The following PHACTR2 variants were observed in gnomAD, a reference collection of about 807,000 sequenced individuals.
PHACTR2 encodes the protein phosphatase and actin regulator 2, also known as chromosome 6 open reading frame 56.
A neutral mutation model predicts 76.0 loss-of-function variants in PHACTR2; 30 were observed. The ratio of observed to expected loss-of-function variants is 0.39; its 90% CI spans 0.30 to 0.54. The LOEUF (loss-of-function observed/expected upper bound fraction) is 0.54. Ranked by LOEUF, PHACTR2 falls within the 20% of genes least tolerant of loss-of-function variation. The probability of loss-of-function intolerance (pLI) is 0.61; values close to 1 mark genes in which losing one functional copy is unlikely to be tolerated. For missense variants in PHACTR2, 696 were observed against 781.1 expected, an observed-to-expected ratio of 0.89 and a Z score of 1.30; for synonymous variants, 292 against 292.5, an observed-to-expected ratio of 1.00 and a Z score of 0.02.
At chr6:143,675,312 A>G (rs543947898), upstream of PHACTR2, among the ~76,000 whole-genome samples, 11 of 152,324 alleles carry the variant, frequency 7.2e-5, no homozygotes, top group African/African-American at 2.2e-4. This position sits in a 1 kb window ranked among gnomAD's most constrained non-coding sequence, Gnocchi z 4.9. Flanking sequence ...AATAGAAGCT[A>G]TTCCTCAAAC....
At chr6:143,636,709 T>C (rs1201569655) in intron 1 of PHACTR2, among the ~76,000 whole-genome samples, 1 of 152,240 alleles carries the variant, frequency 6.6e-6, no homozygotes, top group African/African-American at 2.4e-5. Flanking sequence ...ACAGGATAGA[T>C]TTTGCCATGA....
Position 143,803,702 on chromosome 6 carries a change from G to T in PHACTR2, c.1846-3355G>T, listed in dbSNP as rs2180031. The stretch of plus-strand genomic sequence containing the variant: ...ATGATGTTAACATCACACATAGAAA[G>T]GCTGTGTTTTCTAGGATTTGACATT... On this transcript the variant is annotated intron_variant, in intron 11 of 12. Transcript: ENST00000440869. The surrounding 1 kb of genome is among the most constrained non-coding windows in gnomAD (Gnocchi z 4.7). 0.58 allele frequency among the ~76,000 whole-genome samples: 88,439 copies of T among 152,020 alleles called. 26,232 individuals carry two copies. Among genetic ancestry groups the T allele is most frequent in the East Asian group, 0.69 (3,548 of 5,178 alleles).
rs1434599094 is a variant in PHACTR2 at position 143,733,220 on chromosome 6, T to C, written c.215-15765T>C. On this transcript the variant is annotated intron_variant, in intron 2 of 12. Transcript: ENST00000440869. This position sits in a 1 kb window ranked among gnomAD's most constrained non-coding sequence, Gnocchi z 4.0. ...CCTGATTCCTCCTCTTTTTCTACCT[T>C]ACTTTTTTCATTTTCCATAGCACAT... Among the ~76,000 whole-genome samples, 1 of 152,198 alleles carries C rather than the reference T, an allele frequency of 6.6e-6. No homozygotes were observed. The highest frequency in any genetic ancestry group is 1.9e-4 in the East Asian group (1 of 5,200).
At position 143,803,148 on chromosome 6, in the gene PHACTR2, T is replaced by G. The variant is rs542684811; in HGVS notation, c.1846-3909T>G. On this transcript the variant is annotated intron_variant, in intron 11 of 12. Coordinates refer to ENST00000440869, the MANE Select transcript of PHACTR2 (RefSeq NM_001100164.2). The surrounding 1 kb of genome is among the most constrained non-coding windows in gnomAD (Gnocchi z 4.7). ...GAGCCCCATGTTTGTCATTTAACCC[T>G]CATCCTGTTTAGAGAAAGAAAGTGC... 1.8e-4 allele frequency among the ~76,000 whole-genome samples: 27 copies of G among 152,310 alleles called. No homozygotes were observed. The highest frequency in any genetic ancestry group is 6.3e-4 in the African/African-American group (26 of 41,556).
In PHACTR2 at chr6:143,552,910, C is replaced by CA. The variant is rs1485481672; in HGVS notation, c.217+15709dup. Among the ~76,000 whole-genome samples the CA allele has an allele frequency of 3.8e-5, 5 of 130,364 alleles. No homozygotes were observed. In the East Asian group the frequency reaches 1.1e-3, roughly 28 times the overall value. The allele number at this position is 130,364 out of a possible 152,430, so 85.5% of individuals were successfully genotyped here. On this transcript the variant is annotated intron_variant, in intron 1 of 11. Coordinates refer to the PHACTR2 transcript ENST00000367584. ...AAAGAAAAAAAAAAAAAAAAAAAAGCAAAAAACTAACCAACCAACCGAACA... is the reference window on the plus strand; with the variant it reads ...AAAGAAAAAAAAAAAAAAAAAAAAGCAAAAAAACTAACCAACCAACCGAACA...
intron 1 of PHACTR2, among the ~76,000 whole-genome samples, chr6:143,559,460 G>A (rs1307908827): frequency 2.0e-5 from 3 of 152,082 alleles, no homozygotes; most frequent in Non-Finnish European, 2.9e-5. Context: ...TATATCAATG[G>A]TAACCCTATC....
chr6:143,665,323 T>C (rs1777016065), intron 1 of PHACTR2, among the ~76,000 whole-genome samples: 1 of 152,208 alleles, frequency 6.6e-6, no homozygotes, highest in Non-Finnish European at 1.5e-5. Context: ...CTTTCTAAAT[T>C]TTCTCTACAT....
At chr6:143,638,383 A>G (rs1231852965) in intron 1 of PHACTR2, among the ~76,000 whole-genome samples, 1 of 152,016 alleles carries the variant, frequency 6.6e-6, no homozygotes, top group African/African-American at 2.4e-5. Flanking sequence ...ATACAAAAAT[A>G]ATAATTAAAA....
Position 143,806,519 on chromosome 6 carries a change from T to A in PHACTR2, c.1846-538T>A, listed in dbSNP as rs183919507. Among the ~76,000 whole-genome samples the A allele has an allele frequency of 3.3e-5, 5 of 152,312 alleles. No homozygotes were observed. Among genetic ancestry groups the A allele is most frequent in the African/African-American group, 1.2e-4 (5 of 41,568 alleles). On this transcript the variant is annotated intron_variant, in intron 11 of 12. Coordinates refer to ENST00000440869, the MANE Select transcript of PHACTR2 (RefSeq NM_001100164.2). The surrounding 1 kb of genome is among the most constrained non-coding windows in gnomAD (Gnocchi z 5.8). ...CCTTGTGGTCATCGTGGGTGGGGGA[T>A]GTTCCGTGTGACTCATAGACCAGAC...
Position 143,762,504 on chromosome 6 carries a change from A to G in PHACTR2, c.694+1864A>G, listed in dbSNP as rs143248203. On this transcript the variant is annotated intron_variant, in intron 5 of 12. Coordinates refer to ENST00000440869, the MANE Select transcript of PHACTR2 (RefSeq NM_001100164.2). ...AACAGGGGTTGCACTTAAGTACACC[A>G]ACAAGCCCATCATGTAAGAATCGTT... Among the ~76,000 whole-genome samples the G allele has an allele frequency of 7.4e-4, 113 of 152,358 alleles. 1 individual carries two copies. Among genetic ancestry groups the G allele is most frequent in the African/African-American group, 2.6e-3 (110 of 41,578 alleles).
chr6:143,737,555 T>C (rs549649522), intron 2 of PHACTR2, among the ~76,000 whole-genome samples: 8 of 152,286 alleles, frequency 5.3e-5, no homozygotes, highest in Middle Eastern at 3.4e-3. Flanking sequence ...GACCCTGATA[T>C]TACCCAAATA....
intron 12 of PHACTR2, among the ~76,000 whole-genome samples, chr6:143,815,055 A>G (rs1041262650): frequency 2.6e-5 from 4 of 152,218 alleles, no homozygotes; most frequent in East Asian, 3.8e-4. Context: ...TGAAACTGCA[A>G]TGAAAATTAA....
intron 10 of PHACTR2, among the ~76,000 whole-genome samples, chr6:143,786,906 A>G (rs1022073246): frequency 6.6e-5 from 10 of 152,184 alleles, no homozygotes; most frequent in Non-Finnish European, 1.3e-4. Flanking sequence ...CCGCCAAACC[A>G]TATCATTTTT....
At chr6:143,566,872 A>T (rs1029792795) in intron 1 of PHACTR2, among the ~76,000 whole-genome samples, 21 of 152,024 alleles carry the variant, frequency 1.4e-4, no homozygotes, top group Non-Finnish European at 2.4e-4. Context: ...TACTAAAAAA[A>T]ATTTAACATT....
At chr6:143,706,789 G>A (rs190566271) in intron 1 of PHACTR2, among the ~76,000 whole-genome samples, 28 of 152,306 alleles carry the variant, frequency 1.8e-4, no homozygotes, top group Middle Eastern at 3.4e-3. Context: ...GGCAAGGATA[G>A]CCACTTGGCT....
At chr6:143,559,912 T>C (rs540211010) in intron 1 of PHACTR2, among the ~76,000 whole-genome samples, 2 of 152,046 alleles carry the variant, frequency 1.3e-5, no homozygotes, top group East Asian at 1.9e-4. Flanking sequence ...GGTTTCTCCA[T>C]GTTGATCAGG....
intron 1 of PHACTR2, among the ~76,000 whole-genome samples, chr6:143,551,805 C>A (rs1226856656): frequency 6.6e-6 from 1 of 152,012 alleles, no homozygotes; most frequent in East Asian, 1.9e-4. Flanking sequence ...TTGAAAATGC[C>A]CTGTAGAAGA....
chr6:143,788,049 A>G (rs1479337226), intron 10 of PHACTR2, among the ~76,000 whole-genome samples: 1 of 152,232 alleles, frequency 6.6e-6, no homozygotes, highest in Non-Finnish European at 1.5e-5. Flanking sequence ...CCAGAAAGAA[A>G]AGCAATATAA....
intron 1 of PHACTR2, among the ~76,000 whole-genome samples, chr6:143,538,593 C>G (rs571513704): frequency 2.6e-5 from 4 of 152,236 alleles, no homozygotes; most frequent in African/African-American, 9.6e-5. Flanking sequence ...TTTTCAGGCT[C>G]TGTGCTCCGG....
Sources: allele counts gnomAD v4.1 joint callset (sites outside exome capture counted in the v4.1 genomes callset), GRCh38; gene constraint gnomAD v4.1.1; non-coding constraint Gnocchi (gnomAD v3.1); transcripts MANE v1.5; gene names NCBI Gene and HGNC (gene_info 2026-07-23, HGNC 2026-07-21).